SHCBP1L: variants seen among roughly 807,000 people sequenced by gnomAD.
The protein encoded by SHCBP1L is SHC binding and spindle associated 1 like.
Under a neutral mutation model 62.5 loss-of-function variants are expected in SHCBP1L, and 67 were observed. The ratio of observed to expected loss-of-function variants is 1.07; its 90% CI spans 0.88 to 1.31. The LOEUF (loss-of-function observed/expected upper bound fraction) is 1.31. Among genes scored for constraint, SHCBP1L ranks in the 40% most tolerant of loss-of-function variants. The pLI is 0.00. For synonymous variants in SHCBP1L, 284 were observed against 289.4 expected (o/e 0.98, Z 0.19); for missense variants, 823 against 809.8 (o/e 1.02, Z -0.20).
chr1:182,941,418 T>C (rs940162712), intron 2 of SHCBP1L, among the ~76,000 whole-genome samples: 1 of 152,180 alleles, frequency 6.6e-6, no homozygotes. Flanking sequence ...AATTCTTTTT[T>C]AAAGTTATTC....
intron 2 of SHCBP1L, among the ~76,000 whole-genome samples, chr1:182,946,293 G>A (rs1651563483): frequency 2.0e-5 from 3 of 151,842 alleles, no homozygotes; most frequent in African/African-American, 7.3e-5. Flanking sequence ...TTCTGTTCTT[G>A]CCACCAACCT....
chr1:182,940,588 C>A, intron 2 of SHCBP1L, 45 bp from the exon 3 acceptor site: 1 of 1,498,744 alleles, frequency 6.7e-7, no homozygotes, highest in Non-Finnish European at 9.1e-7. Flanking sequence ...TTATAAATAT[C>A]AGTAAACCGC....
Position 182,939,181 on chromosome 1 carries a change from G to A in SHCBP1L, c.1071C>T (p.Arg357=), listed in dbSNP as rs1651271522. The change falls in exon 5 of 10, where the codon CGC becomes CGT. Residue 357 remains arginine (R), a synonymous_variant. Coordinates refer to ENST00000367547, the MANE Select transcript of SHCBP1L (RefSeq NM_030933.4). Reference sequence around the variant, plus strand: ...GAAATAGAGCAAATTATTACCGGAGGCGTAAATCTTCCCACATTTTCAGTA... The same window carrying A: ...GAAATAGAGCAAATTATTACCGGAGACGTAAATCTTCCCACATTTTCAGTA... The part of the protein sequence containing the change: ...CGLLKMWEDL[R]LRVHGPFFPR... The A allele has an allele frequency of 1.2e-6, 2 of 1,607,310 alleles. No individual in the cohort carries two copies. Among genetic ancestry groups the A allele is most frequent in the South Asian group, 1.1e-5 (1 of 89,470 alleles).
Position 182,940,335 on chromosome 1 carries a change from A to G in SHCBP1L, c.764T>C (p.Val255Ala). 6.2e-7 allele frequency: 1 copy of G among 1,613,248 alleles called. No individual in the cohort carries two copies. Among genetic ancestry groups the G allele is most frequent in the African/African-American group, 1.3e-5 (1 of 75,024 alleles). Residue 255 changes from valine (V) to alanine (A), a missense_variant, in exon 3 of 10, where the codon GTT (valine) becomes GCT (alanine). By Grantham distance (64) the Val-to-Ala change is moderately conservative. Coordinates refer to ENST00000367547, the MANE Select transcript of SHCBP1L (RefSeq NM_030933.4). ...AAAGTAAAGGCCCTAATACCTGACA[A>G]CTTCCAAGGCCAAAGCAATAACATG... is the stretch of plus-strand genomic sequence containing the variant. ...DIHVIALALE[V>A]VRFFYDFLWR...
intron 6 of SHCBP1L, among the ~76,000 whole-genome samples, chr1:182,928,304 C>T (rs1355035448): frequency 1.3e-5 from 2 of 151,984 alleles, no homozygotes; most frequent in African/African-American, 4.8e-5. Flanking sequence ...CTACCATGTA[C>T]CAAGCATCAT....
intron 2 of SHCBP1L, chr1:182,942,436 G>T (rs1571357639): frequency 1.5e-6 from 1 of 685,690 alleles, no homozygotes. Flanking sequence ...CCGGGTGCCT[G>T]CGGGCCGTGG....
At chr1:182,949,655 C>T (rs1651682142) in intron 2 of SHCBP1L, among the ~76,000 whole-genome samples, 1 of 151,144 alleles carries the variant, frequency 6.6e-6, no homozygotes, top group Non-Finnish European at 1.5e-5. Context: ...TGAGATTGCA[C>T]CACTGCACTC....
chr1:182,950,616 G>T (rs1408975853), intron 2 of SHCBP1L: 2 of 150,884 alleles, frequency 1.3e-5, no homozygotes, highest in African/African-American at 4.9e-5. Context: ...CTTGAACCGG[G>T]GAGGCAGAGG....
At chr1:182,924,960 A>AAG (rs1650682761) in intron 6 of SHCBP1L, among the ~76,000 whole-genome samples, 1 of 139,856 alleles carries the variant, frequency 7.2e-6, no homozygotes, top group Non-Finnish European at 1.5e-5. Flanking sequence ...GAAAGAAAGA[A>AAG]AGAAAGAAAG....
chr1:182,939,668 T>C (rs1185120963), intron 3 of SHCBP1L, 115 bp from the exon 4 acceptor site: 2 of 751,790 alleles, frequency 2.7e-6, no homozygotes, highest in Non-Finnish European at 4.1e-6. Flanking sequence ...TTAAGCAAAA[T>C]ATTTTAAAAT....
chr1:182,951,898 T>TA (rs1287170064), intron 1 of SHCBP1L: 1 of 360,674 alleles, frequency 2.8e-6, no homozygotes, highest in Non-Finnish European at 5.5e-6. Context: ...CTCATGCCTG[T>TA]AATCCCAACA....
intron 6 of SHCBP1L, among the ~76,000 whole-genome samples, chr1:182,920,557 G>T (rs539859431): frequency 2.6e-5 from 4 of 152,158 alleles, no homozygotes; most frequent in South Asian, 4.1e-4. Flanking sequence ...CCCCATCAAT[G>T]GTTCTTAACC....
At chr1:182,907,168 C>A (rs1321188437) in intron 6 of SHCBP1L, among the ~76,000 whole-genome samples, 1 of 151,846 alleles carries the variant, frequency 6.6e-6, no homozygotes, top group Non-Finnish European at 1.5e-5. Flanking sequence ...CACAGTGACT[C>A]ACACCTGTAA....
intron 2 of SHCBP1L, chr1:182,950,753 CTT>C (rs199657768): frequency 2.0e-5 from 3 of 146,394 alleles, no homozygotes; most frequent in East Asian, 2.0e-4. Flanking sequence ...TAGAAGGGTA[CTT>C]TTTTTTTTTG....
chr1:182,938,138 G>T (rs10159028), intron 5 of SHCBP1L, among the ~76,000 whole-genome samples: 2 of 151,948 alleles, frequency 1.3e-5, no homozygotes, highest in Non-Finnish European at 2.9e-5. Context: ...ATGGAGTTTC[G>T]CTCTTGTTGC....
At chr1:182,943,319 A>T (rs1651434396) in intron 2 of SHCBP1L, among the ~76,000 whole-genome samples, 1 of 127,372 alleles carries the variant, frequency 7.9e-6, no homozygotes, top group Non-Finnish European at 1.6e-5. Context: ...ACAGGGTCTC[A>T]CTATGTTGCC....
chr1:182,934,511 T>A (rs575453526), intron 5 of SHCBP1L, among the ~76,000 whole-genome samples: 35 of 152,284 alleles, frequency 2.3e-4, no homozygotes, highest in Middle Eastern at 3.4e-3. Flanking sequence ...TCTATTCAGA[T>A]CTTTGCCCAT....
chr1:182,937,436 A>G (rs1255362690), intron 5 of SHCBP1L, among the ~76,000 whole-genome samples: 1 of 152,044 alleles, frequency 6.6e-6, no homozygotes, highest in Non-Finnish European at 1.5e-5. Flanking sequence ...GGCTTCCTTC[A>G]GGATATTTTT....
intron 6 of SHCBP1L, among the ~76,000 whole-genome samples, chr1:182,925,870 C>T (rs1454416946): frequency 6.6e-6 from 1 of 152,092 alleles, no homozygotes; most frequent in African/African-American, 2.4e-5. Flanking sequence ...GGATATTATT[C>T]AGCCAGAAAA....
Sources: gnomAD v4.1 joint callset for allele counts (sites outside exome capture counted in the v4.1 genomes callset) on GRCh38, gnomAD v4.1.1 for gene constraint, MANE v1.5 for transcripts, NCBI Gene and HGNC (gene_info 2026-07-23, HGNC 2026-07-21) for gene names.